CDH22: variants seen among roughly 807,000 people sequenced by gnomAD.
CDH22 encodes cadherin-22.
In CDH22, 30 loss-of-function variants were observed where a neutral mutation model predicts 58.4. That is an observed-to-expected ratio of 0.51 (90% confidence interval 0.38 to 0.70). CDH22 has a LOEUF of 0.70. CDH22 is among the 30% of genes least tolerant of loss of function. The pLI is 0.00. For missense variants in CDH22, 1,014 were observed against 1,233.9 expected (o/e 0.82, Z 2.67); for synonymous variants, 513 against 558.2 (o/e 0.92, Z 1.14).
At position 46,241,298 on chromosome 20, in the gene CDH22, G is replaced by T; in HGVS notation, c.256-41C>A. On this transcript the variant is annotated intron_variant, in intron 2 of 11. Transcript: ENST00000537909. The surrounding 1 kb of genome is among the most constrained non-coding windows in gnomAD (Gnocchi z 5.2). Reference sequence around the variant, plus strand: ...AGAAGGCAAGGTGGAGGCTGAGAAGGAAGCTCCTCTTGGCCTCACTGTCTC... The same window carrying T: ...AGAAGGCAAGGTGGAGGCTGAGAAGTAAGCTCCTCTTGGCCTCACTGTCTC... 1 of 1,526,832 alleles carries T rather than the reference G, an allele frequency of 6.5e-7. No homozygotes were observed. The allele number at this position is 1,526,832 out of a possible 1,614,324, so 94.6% of individuals were successfully genotyped here.
rs555357889 is a variant in CDH22 at position 46,174,940 on chromosome 20, T to C, written c.2053A>G (p.Met685Val). 2 of 1,489,032 alleles carry C rather than the reference T, an allele frequency of 1.3e-6. No homozygotes were observed. The highest frequency in any genetic ancestry group is 1.1e-5 in the South Asian group (1 of 89,116). 92.2% of individuals were successfully genotyped at this position (1,489,032 alleles called of 1,614,324 possible). The change falls in exon 12 of 12, where the codon ATG (methionine) becomes GTG (valine). Residue 685 changes from methionine to valine, a missense_variant. Transcript: ENST00000537909. This position sits in a 1 kb window ranked among gnomAD's most constrained non-coding sequence, Gnocchi z 4.4. ...TCGTAGAGGCTCCGCAGCGCCGACATGTCGTAGGCTTCGGTGTCCTGCTCG... is the reference window on the plus strand; with the variant it reads ...TCGTAGAGGCTCCGCAGCGCCGACACGTCGTAGGCTTCGGTGTCCTGCTCG... ...GGEQDTEAYD[M>V]SALRSLYDFG... is the part of the protein sequence containing the mutation.
chr20:46,197,872 T>G (rs2085918555), intron 8 of CDH22, among the ~76,000 whole-genome samples: 1 of 151,082 alleles, frequency 6.6e-6, no homozygotes, highest in Non-Finnish European at 1.5e-5. Context: ...GCCTGGGAAA[T>G]GGGGGGATGG....
intron 1 of CDH22, among the ~76,000 whole-genome samples, chr20:46,302,949 A>G (rs1568687152): frequency 6.6e-6 from 1 of 151,984 alleles, no homozygotes; most frequent in African/African-American, 2.4e-5. Flanking sequence ...GTCCCCCTCC[A>G]TGCCTCAGAC....
intron 3 of CDH22, among the ~76,000 whole-genome samples, chr20:46,229,086 A>G (rs538939494): frequency 6.6e-6 from 1 of 152,150 alleles, no homozygotes; most frequent in African/African-American, 2.4e-5. Flanking sequence ...AGAGTTGACC[A>G]GAGAAGCTGA....
intron 4 of CDH22, among the ~76,000 whole-genome samples, chr20:46,217,217 C>A (rs1239307466): frequency 6.6e-6 from 1 of 152,138 alleles, no homozygotes; most frequent in Non-Finnish European, 1.5e-5. Context: ...CACATGCCCA[C>A]ACAGATATAC....
chr20:46,240,548 C>T (rs2086281900), intron 3 of CDH22, among the ~76,000 whole-genome samples: 1 of 152,098 alleles, frequency 6.6e-6, no homozygotes, highest in Non-Finnish European at 1.5e-5. Flanking sequence ...TGACTCTGTC[C>T]AGCTGTGCCT....
At chr20:46,245,058 A>G (rs983663815) in intron 2 of CDH22, among the ~76,000 whole-genome samples, 1 of 152,176 alleles carries the variant, frequency 6.6e-6, no homozygotes, top group Non-Finnish European at 1.5e-5. Flanking sequence ...CTGAAGATTC[A>G]TAAGATAATA....
Position 46,224,203 on chromosome 20 carries a change from T to C in CDH22, c.670+3305A>G, listed in dbSNP as rs529760116. Among the ~76,000 whole-genome samples the C allele has an allele frequency of 3.4e-4, 52 of 152,326 alleles. No homozygotes were observed. In the South Asian group the frequency reaches 0.011, roughly 31 times the overall value. On this transcript the variant is annotated intron_variant, in intron 4 of 11. Transcript: ENST00000537909. ...TCTGCATTAGGTTTCGTCCTCACAC[T>C]CGTCACTGCTTGACGTTATGTTATA...
Position 46,181,752 on chromosome 20 carries a change from C to CTTCCTTCCTTCCTTCT in CDH22, c.1664-3556_1664-3555insAGAAGGAAGGAAGGAA. 7.5e-3 allele frequency among the ~76,000 whole-genome samples: 196 copies of CTTCCTTCCTTCCTTCT among 26,234 alleles called. 3 individuals carry two copies. The highest frequency in any genetic ancestry group is 1.0e-2 in the South Asian group (7 of 702). The allele number at this position is 26,234 out of a possible 152,430, so 17.2% of individuals were successfully genotyped here. A position where few individuals can be genotyped will look rare whatever the true frequency, so the allele number is the denominator to read the frequency against. On this transcript the variant is annotated intron_variant, in intron 10 of 11. Coordinates refer to ENST00000537909, the MANE Select transcript of CDH22 (RefSeq NM_021248.3). ...CCTTCCTTCCTTCCTTCCTTCCTTCCTTCTTTCTTTCTTTCTTTCTTTCTT... is the reference window on the plus strand; with the variant it reads ...CCTTCCTTCCTTCCTTCCTTCCTTCCTTCCTTCCTTCCTTCTTTCTTTCTTTCTTTCTTTCTTTCTT...
intron 3 of CDH22, among the ~76,000 whole-genome samples, chr20:46,227,966 A>G (rs2086191616): frequency 1.3e-5 from 2 of 150,150 alleles, no homozygotes; most frequent in South Asian, 4.1e-4. Context: ...TTGGTTCACT[A>G]GGTTGAGGGG....
chr20:46,184,898 C>T (rs2085813565), intron 10 of CDH22, among the ~76,000 whole-genome samples: 1 of 152,070 alleles, frequency 6.6e-6, no homozygotes, highest in Admixed American at 6.5e-5. Context: ...CCAGCCTGGC[C>T]AACATGGCGA....
intron 10 of CDH22, 80 bp from the exon 11 acceptor site, chr20:46,178,277 G>T (rs1174524373): frequency 6.7e-7 from 1 of 1,503,584 alleles, no homozygotes; most frequent in East Asian, 2.3e-5. Flanking sequence ...TGATTGCATC[G>T]TGAGATTTGC....
chr20:46,209,528 A>G (rs963350589), intron 7 of CDH22, among the ~76,000 whole-genome samples: 1 of 152,154 alleles, frequency 6.6e-6, no homozygotes, highest in African/African-American at 2.4e-5. Context: ...GGCTCCTGCA[A>G]CAATTCTAGG....
At chr20:46,269,581 C>T (rs892616657) in intron 1 of CDH22, among the ~76,000 whole-genome samples, 2 of 152,220 alleles carry the variant, frequency 1.3e-5, no homozygotes, top group Non-Finnish European at 2.9e-5. Flanking sequence ...CAAGATCACA[C>T]AGGCAGTCTG....
chr20:46,186,725 T>A lies in CDH22; in HGVS notation c.1546-20A>T. Reference sequence around the variant, plus strand: ...GATGAGCTGAAGGGTGAGGAGGGGATAGAGGGCTAGTGGTGAGGCTGAGAC... The same window carrying A: ...GATGAGCTGAAGGGTGAGGAGGGGAAAGAGGGCTAGTGGTGAGGCTGAGAC... On this transcript the variant is annotated intron_variant, in intron 9 of 11. Transcript: ENST00000537909. 1 of 1,611,828 alleles carries A rather than the reference T, an allele frequency of 6.2e-7. No individual in the cohort carries two copies. Among genetic ancestry groups the A allele is most frequent in the Non-Finnish European group, 8.5e-7 (1 of 1,178,522 alleles).
At position 46,294,532 on chromosome 20, in the gene CDH22, G is replaced by A. The variant is rs553020354; in HGVS notation, c.-400+13723C>T. ...AGCTCAATTGTTATTTCAATTACAC[G>A]GATTATTTGAAAACAATGTTTATGA... On this transcript the variant is annotated intron_variant, in intron 1 of 11. Coordinates refer to ENST00000537909, the MANE Select transcript of CDH22 (RefSeq NM_021248.3). Among the ~76,000 whole-genome samples, 6 of 152,278 alleles carry A rather than the reference G, an allele frequency of 3.9e-5. 1 individual carries two copies. Among genetic ancestry groups the A allele is most frequent in the African/African-American group, 1.2e-4 (5 of 41,554 alleles).
At position 46,177,977 on chromosome 20, in the gene CDH22, G is replaced by C; in HGVS notation, c.1884C>G (p.Ile628Met). The change falls in exon 11 of 12, where the codon ATC (isoleucine) becomes ATG (methionine). Residue 628 changes from isoleucine to methionine, a missense_variant. Transcript: ENST00000537909. ...GGATGAGAACGCAGACCAAGAGGGC[G>C]ATGAGGGCGCCGGGGCTGAGGGAGG... ...MAASLSPGAL[I>M]ALLVCVLILV... The C allele has an allele frequency of 6.2e-7, 1 of 1,614,034 alleles. No individual in the cohort carries two copies. Among genetic ancestry groups the C allele is most frequent in the Non-Finnish European group, 8.5e-7 (1 of 1,179,990 alleles).
intron 5 of CDH22, 64 bp from the exon 6 acceptor site, chr20:46,213,252 G>T (rs959659718): frequency 5.4e-5 from 71 of 1,317,038 alleles, no homozygotes; most frequent in Middle Eastern, 1.8e-4. Context: ...TGCCAGCAGT[G>T]GGGGAGGGGA....
intron 1 of CDH22, among the ~76,000 whole-genome samples, chr20:46,287,643 G>T (rs2086582158): frequency 6.6e-6 from 1 of 151,872 alleles, no homozygotes; most frequent in Non-Finnish European, 1.5e-5. Flanking sequence ...GAAGCAGGCA[G>T]GAGGCCACAC....
Sources: allele counts gnomAD v4.1 joint callset (sites outside exome capture counted in the v4.1 genomes callset), GRCh38; gene constraint gnomAD v4.1.1; non-coding constraint Gnocchi (gnomAD v3.1); transcripts MANE v1.5; gene names NCBI Gene and HGNC (gene_info 2026-07-23, HGNC 2026-07-21).